The following HOOK3 variants were observed in gnomAD, a reference collection of about 807,000 sequenced individuals.
The protein encoded by HOOK3 is protein Hook homolog 3.
A neutral mutation model predicts 116.3 loss-of-function variants in HOOK3; 24 were observed. The observed-to-expected ratio is 0.21, with a 90% confidence interval of 0.15 to 0.29. The LOEUF (loss-of-function observed/expected upper bound fraction) is 0.29. Ranked by LOEUF, HOOK3 falls within the 10% of genes least tolerant of loss-of-function variation. The pLI is 1.00. For synonymous variants in HOOK3, 275 were observed against 283.0 expected, an observed-to-expected ratio of 0.97 and a Z score of 0.28; for missense variants, 632 against 830.2, an observed-to-expected ratio of 0.76 and a Z score of 2.93.
At chr8:42,948,532 C>A (rs1325662220) in intron 5 of HOOK3, among the ~76,000 whole-genome samples, 1 of 152,186 alleles carries the variant, frequency 6.6e-6, no homozygotes, top group East Asian at 1.9e-4. Context: ...TAACCCCTCA[C>A]CCCTCGAGTC....
In HOOK3 at chr8:42,897,081, G is replaced by C. The variant is rs1276247179; in HGVS notation, c.-51G>C. 4.1e-6 allele frequency: 5 copies of C among 1,226,700 alleles called. No individual in the cohort carries two copies. The highest frequency in any genetic ancestry group is 5.1e-6 in the Non-Finnish European group (5 of 976,176). 76.0% of individuals were successfully genotyped at this position (1,226,700 alleles called of 1,614,324 possible). On this transcript the variant is annotated 5_prime_UTR_variant, in exon 1 of 22. Coordinates refer to ENST00000307602, the MANE Select transcript of HOOK3 (RefSeq NM_032410.4). ...GGGCCCCCGGATCCCCCGACAGAGC[G>C]GCGGCGGTGTCTGGCCAGGCGGTAG...
intron 7 of HOOK3, among the ~76,000 whole-genome samples, chr8:42,958,718 A>G (rs1808483997): frequency 6.6e-6 from 1 of 150,598 alleles, no homozygotes; most frequent in Admixed American, 6.7e-5. Context: ...TCTAGGTTTT[A>G]AGGCCAACAC....
In HOOK3 at chr8:42,943,358, C is replaced by G; in HGVS notation, c.313C>G (p.Leu105Val). 1 of 1,560,454 alleles carries G rather than the reference C, an allele frequency of 6.4e-7. No individual in the cohort carries two copies. The highest frequency in any genetic ancestry group is 8.7e-7 in the Non-Finnish European group (1 of 1,151,202). ...INDFTLPDVN[L>V]IGEHSDAAEL... The stretch of plus-strand genomic sequence containing the variant: ...TGACTTTACCCTTCCTGATGTGAAC[C>G]TTATTGGGGAGCATTCTGATGCAGC... The change falls in exon 5 of 22, where the codon CTT (leucine) becomes GTT (valine). Residue 105 changes from leucine (L) to valine (V), a missense_variant. Physicochemically the swap from Leu to Val is conservative, Grantham distance 32 (BLOSUM62 1). This residue lies in a region of HOOK3 where 141 missense variants were observed against 150.8 expected (regional missense o/e 0.93). Coordinates refer to ENST00000307602, the MANE Select transcript of HOOK3 (RefSeq NM_032410.4).
intron 1 of HOOK3, 24 bp downstream of exon 1, chr8:42,897,212 G>A: frequency 2.4e-6 from 3 of 1,235,490 alleles, no homozygotes; most frequent in Non-Finnish European, 3.0e-6. Context: ...GCGGGCCGGC[G>A]GGAAGACCCC....
intron 2 of HOOK3, among the ~76,000 whole-genome samples, chr8:42,918,367 C>T (rs117630082): frequency 0.03 from 4,510 of 152,212 alleles, 98 homozygotes; most frequent in African/African-American, 0.055. Context: ...GAAAAAATTA[C>T]ATTGCTTCAA....
intron 1 of HOOK3, among the ~76,000 whole-genome samples, chr8:42,899,968 C>T (rs1399443365): frequency 6.6e-6 from 1 of 152,002 alleles, no homozygotes; most frequent in African/African-American, 2.4e-5. Context: ...GAAATTATTC[C>T]ACTAGAAATG....
At chr8:42,951,350 C>A (rs1215717793) in intron 6 of HOOK3, among the ~76,000 whole-genome samples, 1 of 152,060 alleles carries the variant, frequency 6.6e-6, no homozygotes, top group Non-Finnish European at 1.5e-5. Flanking sequence ...GCGTGAGCCA[C>A]GGCGCCCGGC....
At chr8:42,994,138 C>T (rs1809220435) in intron 15 of HOOK3, among the ~76,000 whole-genome samples, 1 of 152,124 alleles carries the variant, frequency 6.6e-6, no homozygotes, top group Non-Finnish European at 1.5e-5. Flanking sequence ...GCCTCAGCCT[C>T]CAGAGTAGCT....
chr8:42,897,304 C>A, intron 1 of HOOK3, 116 bp downstream of exon 1: 1 of 658,116 alleles, frequency 1.5e-6, no homozygotes, highest in Non-Finnish European at 2.2e-6. Flanking sequence ...ACATCCGGGG[C>A]CTGGGGCGGG....
At chr8:42,909,412 G>C (rs1807378911) in intron 2 of HOOK3, among the ~76,000 whole-genome samples, 1 of 152,198 alleles carries the variant, frequency 6.6e-6, no homozygotes, top group African/African-American at 2.4e-5. Context: ...TTAGCGAATG[G>C]ATCGATGAGA....
chr8:42,941,176 A>C (rs1339324790), intron 4 of HOOK3, among the ~76,000 whole-genome samples: 1 of 150,850 alleles, frequency 6.6e-6, no homozygotes, highest in Non-Finnish European at 1.5e-5. Context: ...CAAACTCCTG[A>C]CCTCAGGTGA....
In HOOK3 at chr8:43,026,553, C is replaced by T. The variant is rs1481763273; in HGVS notation, c.*8055C>T. ...TACTTAGAAGCCAAATCCTTTCAAA[C>T]GCAAACACCCTTGAAACTTGATGCT... On this transcript the variant is annotated 3_prime_UTR_variant, in exon 22 of 22. Transcript: ENST00000307602. 1.4e-5 allele frequency: 3 copies of T among 214,240 alleles called. No individual in the cohort carries two copies. The highest frequency in any genetic ancestry group is 2.8e-5 in the Non-Finnish European group (3 of 106,280). 13.3% of individuals were successfully genotyped at this position (214,240 alleles called of 1,614,324 possible).
chr8:42,966,855 G>A (rs1416705560), intron 10 of HOOK3, among the ~76,000 whole-genome samples: 1 of 152,142 alleles, frequency 6.6e-6, no homozygotes, highest in Admixed American at 6.5e-5. Flanking sequence ...AACAGTGTCT[G>A]GCAATTAAGC....
chr8:42,971,866 A>G lies in HOOK3; in HGVS notation c.1123-1423A>G, dbSNP rs542765041. On this transcript the variant is annotated intron_variant, in intron 11 of 21. Transcript: ENST00000307602. ...CGGCTAAATTTTCATATTTTAGTGG[A>G]TACAGGGTTTCACCATGTTGCCCCC... Among the ~76,000 whole-genome samples, 19 of 152,152 alleles carry G rather than the reference A, an allele frequency of 1.2e-4. No individual in the cohort carries two copies. In the South Asian group the frequency reaches 3.3e-3, roughly 27 times the overall value.
At chr8:43,000,149 A>G (rs561152488) in intron 16 of HOOK3, 9 of 601,276 alleles carry the variant, frequency 1.5e-5, no homozygotes, top group Non-Finnish European at 2.4e-5. Context: ...CTCCGTCTGA[A>G]AAAAGAAAGT....
intron 2 of HOOK3, among the ~76,000 whole-genome samples, chr8:42,910,495 C>T (rs1488153718): frequency 6.6e-6 from 1 of 152,210 alleles, no homozygotes; most frequent in Non-Finnish European, 1.5e-5. Flanking sequence ...CCTCGCTACT[C>T]AATACCGCTA....
chr8:42,957,958 T>C (rs1808465584), intron 7 of HOOK3, among the ~76,000 whole-genome samples: 1 of 151,932 alleles, frequency 6.6e-6, no homozygotes, highest in South Asian at 2.1e-4. Context: ...GCCTCCCAAG[T>C]AGCTGGGACT....
intron 4 of HOOK3, among the ~76,000 whole-genome samples, chr8:42,935,004 A>G (rs1223691004): frequency 6.6e-6 from 1 of 152,220 alleles, no homozygotes; most frequent in African/African-American, 2.4e-5. Flanking sequence ...TTACAGTCCC[A>G]CCAACAGTGT....
chr8:42,966,673 T>C (rs1386534389), intron 10 of HOOK3, 60 bp downstream of exon 10: 2 of 1,556,638 alleles, frequency 1.3e-6, no homozygotes, highest in Non-Finnish European at 1.7e-6. Context: ...AACTCTAGGG[T>C]TTCTGAGGAT....
Sources: gnomAD v4.1 joint callset for allele counts (sites outside exome capture counted in the v4.1 genomes callset) on GRCh38, gnomAD v4.1.1 for gene constraint, gnomAD v4.1.1 regional missense constraint, MANE v1.5 for transcripts, NCBI Gene and HGNC (gene_info 2026-07-23, HGNC 2026-07-21) for gene names.